Variants in ACCSL observed in about 807,000 individuals in gnomAD.
ACCSL encodes the protein 1-aminocyclopropane-1-carboxylate synthase homolog (inactive) like.
A neutral mutation model predicts 61.7 loss-of-function variants in ACCSL; 55 were observed. The ratio of observed to expected loss-of-function variants is 0.89; its 90% CI spans 0.72 to 1.12. The LOEUF (loss-of-function observed/expected upper bound fraction) is 1.12. Ranked by LOEUF, ACCSL falls within the 50% of genes most tolerant of loss-of-function variation. ACCSL has a pLI of 0.00. For synonymous variants in ACCSL, 258 were observed against 264.3 expected, an observed-to-expected ratio of 0.98 and a Z score of 0.23; for missense variants, 632 against 698.0, an observed-to-expected ratio of 0.91 and a Z score of 1.07.
the ACCSL span, chr11:43,944,086 A>G: frequency 2.8e-6 from 1 of 352,496 alleles, no homozygotes; most frequent in Admixed American, 4.0e-5. Context: ...CCCCCGGTCC[A>G]GTGTGCTCCT....
the ACCSL span, among the ~76,000 whole-genome samples, chr11:44,021,159 G>T: frequency 6.6e-6 from 1 of 152,098 alleles, no homozygotes; most frequent in African/African-American, 2.4e-5. Context: ...TGGATCAAAT[G>T]GTAGCTCTAG....
chr11:44,006,854 C>G, the ACCSL span, among the ~76,000 whole-genome samples: 1 of 152,040 alleles, frequency 6.6e-6, no homozygotes, highest in East Asian at 1.9e-4. Context: ...CAGCATGATG[C>G]CTGGCAGGAA....
the ACCSL span, among the ~76,000 whole-genome samples, chr11:43,991,568 C>T: frequency 8.6e-5 from 13 of 152,026 alleles, no homozygotes; most frequent in African/African-American, 2.4e-4. Flanking sequence ...CTGAGGTGGG[C>T]GGATCACCTG....
At chr11:44,059,306 C>CTT (rs2134779407) in intron 13 of ACCSL, among the ~76,000 whole-genome samples, 1 of 152,196 alleles carries the variant, frequency 6.6e-6, no homozygotes, top group African/African-American at 2.4e-5. Flanking sequence ...GACTGGCAGC[C>CTT]TAGTAAGTGA....
Position 44,059,834 on chromosome 11 carries a change from C to T in ACCSL, c.1625-4C>T. The T allele has an allele frequency of 6.2e-7, 1 of 1,613,226 alleles. No individual in the cohort carries two copies. Among genetic ancestry groups the T allele is most frequent in the Middle Eastern group, 1.7e-4 (1 of 6,060 alleles). On this transcript the variant is annotated splice_polypyrimidine_tract_variant and splice_region_variant and intron_variant, in intron 13 of 13. Coordinates refer to ENST00000378832, the MANE Select transcript of ACCSL (RefSeq NM_001031854.2). ...TTCTCTCTGTCCCCATTTGAACCCT[C>T]TAGCTATGCGTCGGTTCTGTGATGT... is the stretch of plus-strand genomic sequence containing the variant.
intron 2 of ACCSL, 100 bp downstream of exon 2, chr11:44,050,221 C>A: frequency 9.8e-7 from 1 of 1,017,172 alleles, no homozygotes; most frequent in Non-Finnish European, 1.6e-6. Context: ...GACATAGGAG[C>A]CTGGGAAGAG....
the ACCSL span, among the ~76,000 whole-genome samples, chr11:44,042,620 CT>C: frequency 1.7e-5 from 1 of 58,270 alleles, no homozygotes; most frequent in Admixed American, 1.8e-4. Flanking sequence ...CCTAGCCTTC[CT>C]GGTTGTTTTT....
the ACCSL span, among the ~76,000 whole-genome samples, chr11:44,036,986 G>T: frequency 4.6e-5 from 7 of 152,068 alleles, no homozygotes; most frequent in Non-Finnish European, 8.8e-5. Flanking sequence ...CCACTTAGAA[G>T]CCCAGAGAAC....
the ACCSL span, among the ~76,000 whole-genome samples, chr11:43,988,585 G>A: frequency 6.6e-6 from 1 of 151,870 alleles, no homozygotes; most frequent in African/African-American, 2.4e-5. Flanking sequence ...GCTTCTCCCA[G>A]GGCAGAGACT....
chr11:43,979,475 C>T, the ACCSL span, among the ~76,000 whole-genome samples: 2 of 152,126 alleles, frequency 1.3e-5, no homozygotes, highest in African/African-American at 4.8e-5. Context: ...GGAAAAGAAG[C>T]CATTCATAGA....
rs776308747 is a variant in ACCSL at position 44,051,408 on chromosome 11, A to G, written c.705+4A>G. On this transcript the variant is annotated splice_donor_region_variant and intron_variant, in intron 4 of 13. Transcript: ENST00000378832. The stretch of plus-strand genomic sequence containing the variant: ...TACCCGACTTGACCCAGAAAATGTG[A>G]GTCAGTTTCCCAGCCTTGCTGCCAC... The G allele has an allele frequency of 6.2e-7, 1 of 1,614,116 alleles. No individual in the cohort carries two copies. Among genetic ancestry groups the G allele is most frequent in the Non-Finnish European group, 8.5e-7 (1 of 1,180,018 alleles).
At chr11:43,942,909 C>G in the ACCSL span, 1 of 1,392,840 alleles carries the variant, frequency 7.2e-7, no homozygotes, top group Non-Finnish European at 9.3e-7. Context: ...GGCGCCATGG[C>G]CGCCAAGCCC....
At chr11:43,966,977 A>G in the ACCSL span, among the ~76,000 whole-genome samples, 4 of 151,668 alleles carry the variant, frequency 2.6e-5, no homozygotes, top group Admixed American at 6.6e-5. Flanking sequence ...CTTTTCTTCC[A>G]TATTTATCAT....
chr11:43,942,812 C>T, the ACCSL span: 1 of 944,636 alleles, frequency 1.1e-6, no homozygotes. Flanking sequence ...CGGCGAGCCC[C>T]CGGCTGCTGC....
chr11:44,045,668 C>T (rs957684266), upstream of ACCSL, among the ~76,000 whole-genome samples: 4 of 152,118 alleles, frequency 2.6e-5, no homozygotes, highest in African/African-American at 4.8e-5. Flanking sequence ...CTGGAGTCCC[C>T]GGCTGAGTGC....
At chr11:43,962,229 A>G in the ACCSL span, among the ~76,000 whole-genome samples, 1 of 152,356 alleles carries the variant, frequency 6.6e-6, no homozygotes, top group African/African-American at 2.4e-5. Flanking sequence ...CAGCAGGAGG[A>G]CAGATATCAT....
the ACCSL span, among the ~76,000 whole-genome samples, chr11:44,008,600 C>T: frequency 3.9e-5 from 6 of 152,336 alleles, no homozygotes; most frequent in East Asian, 3.9e-4. Context: ...TGTATGACCG[C>T]GAAGCATAGT....
the ACCSL span, among the ~76,000 whole-genome samples, chr11:43,951,031 G>T: frequency 6.6e-6 from 1 of 152,148 alleles, no homozygotes; most frequent in Non-Finnish European, 1.5e-5. Context: ...GTTATCCCTG[G>T]GAAAAGCATC....
chr11:44,032,529 G>C, the ACCSL span, among the ~76,000 whole-genome samples: 1 of 152,192 alleles, frequency 6.6e-6, no homozygotes, highest in Non-Finnish European at 1.5e-5. Flanking sequence ...AGTGTCTGGG[G>C]TGCCTCAATG....
Sources: gnomAD v4.1 joint callset for allele counts (sites outside exome capture counted in the v4.1 genomes callset) on GRCh38, gnomAD v4.1.1 for gene constraint, MANE v1.5 for transcripts, NCBI Gene and HGNC (gene_info 2026-07-23, HGNC 2026-07-21) for gene names.